STK39: variants seen among roughly 807,000 people sequenced by gnomAD.
The protein encoded by STK39 is serine/threonine kinase 39.
Under a neutral mutation model 77.8 loss-of-function variants are expected in STK39, and 20 were observed. The ratio of observed to expected loss-of-function variants is 0.26; its 90% confidence interval spans 0.18 to 0.37. The LOEUF (loss-of-function observed/expected upper bound fraction) is 0.37. STK39 is among the 10% of genes least tolerant of loss of function. The pLI, the probability that STK39 is intolerant of heterozygous loss-of-function variation, is 1.00. For missense variants in STK39, 479 were observed against 656.5 expected (o/e 0.73, Z 2.95); for synonymous variants, 246 against 234.1 (o/e 1.05, Z -0.47).
At chr2:168,095,623 C>CTTT (rs567675524) in intron 10 of STK39, among the ~76,000 whole-genome samples, 27,421 of 115,694 alleles carry the variant, frequency 0.24, 3,721 homozygotes, top group Non-Finnish European at 0.3. Context: ...GTATCTCTTT[C>CTTT]TTTTTTTTTT....
rs146660462 is a variant in STK39, at chr2:168,220,272, T to C, written c.208+26956A>G. Reference sequence around the variant, plus strand: ...ACAAATGCCCAACAAAGCTGAGAACTTCTCTGCTGAGAAGCAACACACATG... The same window carrying C: ...ACAAATGCCCAACAAAGCTGAGAACCTCTCTGCTGAGAAGCAACACACATG... On this transcript the variant is annotated intron_variant, in intron 1 of 17. Transcript: ENST00000355999. Among the ~76,000 whole-genome samples, 655 of 152,104 alleles carry C rather than the reference T, an allele frequency of 4.3e-3. 8 individuals carry two copies. Among genetic ancestry groups the C allele is most frequent in the African/African-American group, 0.015 (632 of 41,460 alleles).
At chr2:167,955,669 GGT>G (rs1477067028) in intron 17 of STK39, 99 bp from the exon 18 acceptor site, 5 of 1,146,204 alleles carry the variant, frequency 4.4e-6, no homozygotes, top group Non-Finnish European at 5.1e-6. Context: ...AGGCACAGTT[GGT>G]ATGGGACCAT....
chr2:168,091,411 C>T (rs182191783), intron 10 of STK39, among the ~76,000 whole-genome samples: 47 of 152,292 alleles, frequency 3.1e-4, no homozygotes, highest in Admixed American at 1.7e-3. Flanking sequence ...GACAAGGAAT[C>T]CCCTGAATTC....
At chr2:168,214,342 T>C (rs1228778900) in intron 1 of STK39, among the ~76,000 whole-genome samples, 2 of 152,162 alleles carry the variant, frequency 1.3e-5, no homozygotes, top group Admixed American at 6.5e-5. Context: ...TGAAAATACA[T>C]GCATGCGAAA....
In STK39 at chr2:168,138,097, G is replaced by T; in HGVS notation, c.965C>A (p.Pro322His). The T allele has an allele frequency of 6.2e-7, 1 of 1,613,532 alleles. No individual in the cohort carries two copies. The highest frequency in any genetic ancestry group is 8.5e-7 in the Non-Finnish European group (1 of 1,179,694). ...ACTAAGTTTCACTTACCTTTTGGAA[G>T]GATCTTTCTGAAGACACAGTGAAAG... is the stretch of plus-strand genomic sequence containing the variant. Reference protein sequence around the residue: ...KLLSLCLQKDPSKRPTAAELL... With the variant: ...KLLSLCLQKDHSKRPTAAELL... Residue 322 changes from proline to histidine, a missense_variant, in exon 8 of 18, where the codon CCT becomes CAT. Coordinates refer to ENST00000355999, the MANE Select transcript of STK39 (RefSeq NM_013233.3).
At chr2:168,121,637 CA>C (rs955909566) in intron 10 of STK39, among the ~76,000 whole-genome samples, 2 of 152,224 alleles carry the variant, frequency 1.3e-5, no homozygotes, top group African/African-American at 4.8e-5. Context: ...AAACAACCTT[CA>C]ATACCCATCT....
chr2:168,114,927 A>G (rs188222617), intron 10 of STK39, among the ~76,000 whole-genome samples: 294 of 152,284 alleles, frequency 1.9e-3, no homozygotes, highest in Admixed American at 4.1e-3. Flanking sequence ...AACACTGCAC[A>G]CTCGGTCTGT....
intron 14 of STK39, among the ~76,000 whole-genome samples, chr2:168,062,775 T>G (rs1685696041): frequency 6.6e-6 from 1 of 152,236 alleles, no homozygotes; most frequent in African/African-American, 2.4e-5. Flanking sequence ...AACATATGTA[T>G]AACTTCTTTT....
rs779379835 is a variant in STK39, at chr2:168,017,108, A to G, written c.1377-13T>C. ...CTTTCTGGAGTTTCTGAAATACATA[A>G]CATATAATACATTAAAGTCTAGGGA... On this transcript the variant is annotated splice_polypyrimidine_tract_variant and intron_variant, in intron 14 of 17. Coordinates refer to ENST00000355999, the MANE Select transcript of STK39 (RefSeq NM_013233.3). The G allele has an allele frequency of 1.3e-6, 2 of 1,571,966 alleles. No homozygotes were observed. The highest frequency in any genetic ancestry group is 3.6e-5 in the Admixed American group (2 of 55,688).
At chr2:168,054,488 C>G (rs1160336721) in intron 14 of STK39, among the ~76,000 whole-genome samples, 1 of 152,154 alleles carries the variant, frequency 6.6e-6, no homozygotes, top group Non-Finnish European at 1.5e-5. Flanking sequence ...TTGAAGGATA[C>G]CACTAATAAA....
At chr2:168,097,745 A>C (rs568744811) in intron 10 of STK39, among the ~76,000 whole-genome samples, 4,791 of 152,176 alleles carry the variant, frequency 0.031, 247 homozygotes, top group African/African-American at 0.11. Context: ...AAAACAAAAA[A>C]AAAAAAAAGA....
At chr2:168,062,709 A>G (rs189636038) in intron 14 of STK39, among the ~76,000 whole-genome samples, 26 of 152,336 alleles carry the variant, frequency 1.7e-4, no homozygotes, top group East Asian at 3.9e-4. Flanking sequence ...TTTTGTAGCT[A>G]CAACTCAGAA....
At chr2:168,080,157 T>C (rs955881682) in intron 10 of STK39, among the ~76,000 whole-genome samples, 1 of 152,190 alleles carries the variant, frequency 6.6e-6, no homozygotes, top group Admixed American at 6.5e-5. Context: ...TGGAGGCATT[T>C]TGGCCCTACA....
chr2:168,047,500 C>T (rs1318813873), intron 14 of STK39, among the ~76,000 whole-genome samples: 1 of 152,170 alleles, frequency 6.6e-6, no homozygotes, highest in African/African-American at 2.4e-5. Flanking sequence ...TGTATCTGCT[C>T]CACAGCAAGA....
intron 10 of STK39, among the ~76,000 whole-genome samples, chr2:168,125,758 T>C (rs1050979260): frequency 6.6e-6 from 1 of 152,206 alleles, no homozygotes; most frequent in Non-Finnish European, 1.5e-5. Context: ...AAAGAGGCCA[T>C]GTCGATCTTT....
At chr2:168,102,300 C>T (rs952697866) in intron 10 of STK39, among the ~76,000 whole-genome samples, 3 of 152,192 alleles carry the variant, frequency 2.0e-5, no homozygotes, top group Non-Finnish European at 4.4e-5. Context: ...TCTTCCACAT[C>T]CTCAGCAACA....
At chr2:168,005,145 A>G (rs1206932363) in intron 16 of STK39, among the ~76,000 whole-genome samples, 2 of 151,776 alleles carry the variant, frequency 1.3e-5, no homozygotes, top group Admixed American at 6.6e-5. Flanking sequence ...AGCTGGGATT[A>G]CAGGTGTGCC....
At chr2:168,143,613 C>T (rs1350051122) in intron 5 of STK39, among the ~76,000 whole-genome samples, 1 of 152,096 alleles carries the variant, frequency 6.6e-6, no homozygotes, top group East Asian at 1.9e-4. Flanking sequence ...ACTCTGGAGG[C>T]TGAGGCGGGG....
At chr2:168,184,239 A>G (rs550309597) in intron 1 of STK39, among the ~76,000 whole-genome samples, 13 of 152,372 alleles carry the variant, frequency 8.5e-5, no homozygotes, top group African/African-American at 2.6e-4. Flanking sequence ...AGAATTCTAA[A>G]AACATGGAGG....
Sources: gnomAD v4.1 joint callset for allele counts (sites outside exome capture counted in the v4.1 genomes callset) on GRCh38, gnomAD v4.1.1 for gene constraint, MANE v1.5 for transcripts, NCBI Gene and HGNC (gene_info 2026-07-23, HGNC 2026-07-21) for gene names.